The following SNX9 variants were observed in gnomAD, a reference collection of about 807,000 sequenced individuals.
SNX9 encodes the protein sorting nexin-9.
A neutral mutation model predicts 89.4 loss-of-function variants in SNX9; 44 were observed. That is an observed-to-expected ratio of 0.49 (90% CI 0.39 to 0.63). The LOEUF (loss-of-function observed/expected upper bound fraction) is 0.63. SNX9 is among the 30% of genes least tolerant of loss of function. SNX9 has a pLI of 0.00. For synonymous variants in SNX9, 236 were observed against 247.8 expected, an observed-to-expected ratio of 0.95 and a Z score of 0.45; for missense variants, 578 against 736.1, an observed-to-expected ratio of 0.79 and a Z score of 2.49.
intron 9 of SNX9, among the ~76,000 whole-genome samples, chr6:157,915,030 C>T (rs1481434318): frequency 6.6e-6 from 1 of 152,016 alleles, no homozygotes; most frequent in African/African-American, 2.4e-5. Flanking sequence ...GTGGGTCTCA[C>T]ACCATCTTTT....
intron 9 of SNX9, among the ~76,000 whole-genome samples, chr6:157,910,733 G>A (rs1434755269): frequency 6.6e-6 from 1 of 152,110 alleles, no homozygotes; most frequent in Non-Finnish European, 1.5e-5. Flanking sequence ...CAGGTAGAAA[G>A]GGTTTGTTTT....
intron 1 of SNX9, among the ~76,000 whole-genome samples, chr6:157,864,456 C>T (rs1782211253): frequency 6.6e-6 from 1 of 152,198 alleles, no homozygotes; most frequent in African/African-American, 2.4e-5. Flanking sequence ...TTCTTTCTCA[C>T]TTGTTTCACA....
intron 9 of SNX9, among the ~76,000 whole-genome samples, chr6:157,914,927 C>T (rs571130879): frequency 2.6e-5 from 4 of 152,198 alleles, no homozygotes; most frequent in East Asian, 3.9e-4. Context: ...TTAGGCTTTT[C>T]GTTTAGATCT....
At chr6:157,828,345 A>G (rs546367987) in intron 1 of SNX9, among the ~76,000 whole-genome samples, 6 of 152,274 alleles carry the variant, frequency 3.9e-5, no homozygotes, top group African/African-American at 9.6e-5. Context: ...TATATTGACC[A>G]TCTGAAAATT....
chr6:157,836,862 A>G (rs1781594419), intron 1 of SNX9, among the ~76,000 whole-genome samples: 1 of 152,090 alleles, frequency 6.6e-6, no homozygotes. Flanking sequence ...AAGTGCTGGG[A>G]TTACAGGCGT....
At chr6:157,911,409 C>G (rs371601794) in intron 9 of SNX9, among the ~76,000 whole-genome samples, 1 of 152,128 alleles carries the variant, frequency 6.6e-6, no homozygotes, top group South Asian at 2.1e-4. Flanking sequence ...TCACTGCACT[C>G]GCAAGAGTCG....
At chr6:157,902,857 G>A (rs1186194487) in intron 6 of SNX9, among the ~76,000 whole-genome samples, 17 of 151,856 alleles carry the variant, frequency 1.1e-4, no homozygotes, top group Admixed American at 6.5e-5. Flanking sequence ...TAGTAGAGAC[G>A]AGGTTTTACC....
intron 1 of SNX9, among the ~76,000 whole-genome samples, chr6:157,826,108 A>G (rs573575433): frequency 3.3e-5 from 5 of 152,290 alleles, no homozygotes; most frequent in African/African-American, 7.2e-5. Flanking sequence ...TCACTGAACT[A>G]TTGGGATTTT....
chr6:157,827,832 A>G (rs906692546), intron 1 of SNX9, among the ~76,000 whole-genome samples: 6 of 150,294 alleles, frequency 4.0e-5, no homozygotes, highest in Non-Finnish European at 8.9e-5. Flanking sequence ...CTTTAGGCTA[A>G]CTATAACAAG....
intron 14 of SNX9, among the ~76,000 whole-genome samples, chr6:157,936,513 G>T (rs536709185): frequency 1.8e-4 from 28 of 151,954 alleles, no homozygotes; most frequent in Non-Finnish European, 3.5e-4. Context: ...TATCTCAGAA[G>T]AAAAAAAGAC....
chr6:157,856,415 C>T (rs190828955), intron 1 of SNX9, among the ~76,000 whole-genome samples: 43 of 152,288 alleles, frequency 2.8e-4, no homozygotes, highest in African/African-American at 9.4e-4. Flanking sequence ...GGTATTTTAA[C>T]ACTTCATCTG....
At chr6:157,867,686 C>T in intron 2 of SNX9, 53 bp downstream of exon 2, 1 of 1,319,042 alleles carries the variant, frequency 7.6e-7, no homozygotes, top group Non-Finnish European at 1.0e-6. Flanking sequence ...TTATTTTTAA[C>T]AAATCCGGTA....
chr6:157,896,367 G>A (rs888461385), intron 4 of SNX9, among the ~76,000 whole-genome samples: 5 of 152,170 alleles, frequency 3.3e-5, no homozygotes, highest in Non-Finnish European at 7.3e-5. Context: ...CTCATGTTGA[G>A]TGGGAAAAAG....
At chr6:157,854,774 T>C (rs570118906) in intron 1 of SNX9, among the ~76,000 whole-genome samples, 2 of 152,314 alleles carry the variant, frequency 1.3e-5, no homozygotes, top group South Asian at 2.1e-4. Flanking sequence ...GCAGATTCTG[T>C]TTGCCATCTA....
chr6:157,902,486 A>G lies in SNX9; in HGVS notation c.620+441A>G, dbSNP rs9347749. Among the ~76,000 whole-genome samples the G allele has an allele frequency of 1.2e-3, 188 of 152,078 alleles. 11 individuals carry two copies. In the East Asian group the frequency reaches 0.034, roughly 27 times the overall value. ...GCCCTCATATCCCTTTGTGGTACAT[A>G]AAACCCCTGTTTTACTGCAGGCAAA... is the stretch of plus-strand genomic sequence containing the variant. On this transcript the variant is annotated intron_variant, in intron 6 of 17. Coordinates refer to ENST00000392185, the MANE Select transcript of SNX9 (RefSeq NM_016224.5).
At position 157,932,172 on chromosome 6, in the gene SNX9, G is replaced by A. The variant is rs755834785; in HGVS notation, c.1289-23G>A. 29 of 1,607,372 alleles carry A rather than the reference G, an allele frequency of 1.8e-5. No homozygotes were observed. The Admixed American group carries it at 3.8e-4, about 21-fold the overall frequency. On this transcript the variant is annotated intron_variant, in intron 12 of 17. Transcript: ENST00000392185. ...TTTCAGTTTGCTCAGAAGACTAATC[G>A]TTTATTCCTTTTTGTCTTTCAGCAT...
At chr6:157,902,274 G>T (rs1440901700) in intron 6 of SNX9, among the ~76,000 whole-genome samples, 1 of 151,238 alleles carries the variant, frequency 6.6e-6, no homozygotes, top group African/African-American at 2.4e-5. Context: ...TTTATTTAAT[G>T]ATTTCCCAAA....
chr6:157,874,464 T>C (rs1031066401), intron 3 of SNX9: 1 of 152,246 alleles, frequency 6.6e-6, no homozygotes, highest in Admixed American at 6.5e-5. Context: ...ATTACAGATA[T>C]TCTTGGGTTT....
intron 5 of SNX9, among the ~76,000 whole-genome samples, chr6:157,900,925 A>G (rs1279049690): frequency 6.6e-6 from 1 of 152,204 alleles, no homozygotes; most frequent in Non-Finnish European, 1.5e-5. Flanking sequence ...CCTTAACCCT[A>G]AAGAGGCCCA....
Sources: gnomAD v4.1 joint callset for allele counts (sites outside exome capture counted in the v4.1 genomes callset) on GRCh38, gnomAD v4.1.1 for gene constraint, MANE v1.5 for transcripts, NCBI Gene and HGNC (gene_info 2026-07-23, HGNC 2026-07-21) for gene names.